The following LDB2 variants were observed in gnomAD, a reference collection of about 807,000 sequenced individuals.
LDB2 encodes the protein LIM domain binding 2.
Under a neutral mutation model 44.3 loss-of-function variants are expected in LDB2, and 12 were observed. The observed-to-expected ratio is 0.27, with a 90% CI of 0.17 to 0.44. The LOEUF (loss-of-function observed/expected upper bound fraction) is 0.44. LDB2 is among the 20% of genes least tolerant of loss of function. The pLI, the probability that LDB2 is intolerant of heterozygous loss-of-function variation, is 1.00. For missense variants in LDB2, 344 were observed against 473.5 expected (o/e 0.73, Z 2.54); for synonymous variants, 164 against 174.8 (o/e 0.94, Z 0.49).
chr4:16,772,005 C>A (rs1366957434), intron 1 of LDB2, among the ~76,000 whole-genome samples: 3 of 152,200 alleles, frequency 2.0e-5, no homozygotes, highest in Non-Finnish European at 4.4e-5. Flanking sequence ...GTTCACTGCA[C>A]TCTCAGCACA....
rs185611033 is a variant in LDB2 at position 16,790,214 on chromosome 4, A to G, written c.133-30954T>C. Reference sequence around the variant, plus strand: ...TTGCATTTTACAAATCGAGACTCCAAGAGGCTGATGAGTTTAGCCAGCATG... The same window carrying G: ...TTGCATTTTACAAATCGAGACTCCAGGAGGCTGATGAGTTTAGCCAGCATG... On this transcript the variant is annotated intron_variant, in intron 1 of 7. Coordinates refer to ENST00000304523, the MANE Select transcript of LDB2 (RefSeq NM_001290.5). Among the ~76,000 whole-genome samples the G allele has an allele frequency of 1.6e-4, 25 of 152,330 alleles. No homozygotes were observed. The East Asian group carries it at 4.3e-3, about 26-fold the overall frequency.
intron 2 of LDB2, chr4:16,752,312 C>G (rs1201592720): frequency 5.4e-6 from 2 of 369,258 alleles, no homozygotes; most frequent in Non-Finnish European, 1.0e-5. Context: ...TTTAGTAGTT[C>G]CTTGCTCTCT....
intron 2 of LDB2, among the ~76,000 whole-genome samples, chr4:16,755,467 A>G (rs1766331338): frequency 8.6e-6 from 1 of 116,588 alleles, no homozygotes; most frequent in African/African-American, 3.2e-5. Flanking sequence ...ATGATGTAGG[A>G]ATAGGGTGTG....
At chr4:16,850,947 A>AGTGTGTGTGTGTGTGTGT (rs71181193) in intron 1 of LDB2, among the ~76,000 whole-genome samples, 2,266 of 143,116 alleles carry the variant, frequency 0.016, 35 homozygotes, top group African/African-American at 0.031. Context: ...TAAAACCATA[A>AGTGTGTGTGTGTGTGTGT]GTGTGTGTGT....
At chr4:16,643,382 A>G (rs750005423) in intron 2 of LDB2, among the ~76,000 whole-genome samples, 4 of 152,220 alleles carry the variant, frequency 2.6e-5, no homozygotes, top group Non-Finnish European at 4.4e-5. Flanking sequence ...AGGATTGATA[A>G]TAGTTCTTTT....
intron 2 of LDB2, among the ~76,000 whole-genome samples, chr4:16,614,963 G>C (rs945848520): frequency 1.1e-3 from 169 of 149,530 alleles, no homozygotes; most frequent in African/African-American, 3.9e-3. Context: ...CCAGCTACTT[G>C]GGAGGCTGAG....
In LDB2 at chr4:16,756,318, C is replaced by T. The variant is rs528584610; in HGVS notation, c.235+2840G>A. ...TGCAAAAATTAGCTGGGAGTGGTGG[C>T]GGACACCTGCAATCCCTGCTACTCG... On this transcript the variant is annotated intron_variant, in intron 2 of 7. Coordinates refer to ENST00000304523, the MANE Select transcript of LDB2 (RefSeq NM_001290.5). Among the ~76,000 whole-genome samples, 9 of 152,068 alleles carry T rather than the reference C, an allele frequency of 5.9e-5. No individual in the cohort carries two copies. In the South Asian group the frequency reaches 1.7e-3, roughly 28 times the overall value.
At chr4:16,880,386 T>C (rs1285787504) in intron 1 of LDB2, among the ~76,000 whole-genome samples, 1 of 152,168 alleles carries the variant, frequency 6.6e-6, no homozygotes, top group African/African-American at 2.4e-5. Flanking sequence ...ATGGAGCTAA[T>C]GTCTGCCAGG....
At chr4:16,644,779 A>G (rs1736231785) in intron 2 of LDB2, among the ~76,000 whole-genome samples, 2 of 152,082 alleles carry the variant, frequency 1.3e-5, no homozygotes, top group Non-Finnish European at 2.9e-5. Flanking sequence ...CTCTTTCATA[A>G]TTTCACATTT....
chr4:16,633,704 T>A (rs192877369), intron 2 of LDB2, among the ~76,000 whole-genome samples: 31 of 152,238 alleles, frequency 2.0e-4, no homozygotes. Context: ...AAGTTATAGG[T>A]TCAATGCTAT....
At chr4:16,816,090 C>G (rs1414282439) in intron 1 of LDB2, among the ~76,000 whole-genome samples, 3 of 152,016 alleles carry the variant, frequency 2.0e-5, no homozygotes, top group African/African-American at 7.2e-5. Context: ...CACCTGTAAT[C>G]CTAGCTACTT....
At chr4:16,841,003 C>T (rs1018807830) in intron 1 of LDB2, among the ~76,000 whole-genome samples, 21 of 151,758 alleles carry the variant, frequency 1.4e-4, no homozygotes, top group Non-Finnish European at 2.2e-4. Context: ...AGCAGTGTTT[C>T]CCCCGTCTCT....
At chr4:16,525,604 G>A (rs1005764281) in intron 5 of LDB2, among the ~76,000 whole-genome samples, 2 of 152,210 alleles carry the variant, frequency 1.3e-5, no homozygotes, top group Admixed American at 6.5e-5. Flanking sequence ...CTTACTGAAT[G>A]TGTACTACGT....
At chr4:16,575,991 C>A (rs568523846) in intron 5 of LDB2, among the ~76,000 whole-genome samples, 1 of 152,200 alleles carries the variant, frequency 6.6e-6, no homozygotes, top group Non-Finnish European at 1.5e-5. Flanking sequence ...CCACCTGCTT[C>A]GGCCTCCCAA....
At chr4:16,697,987 T>C (rs1752588233) in intron 2 of LDB2, among the ~76,000 whole-genome samples, 1 of 152,216 alleles carries the variant, frequency 6.6e-6, no homozygotes, top group South Asian at 2.1e-4. Flanking sequence ...TTTTAAAAAA[T>C]GAATTCCATT....
intron 1 of LDB2, among the ~76,000 whole-genome samples, chr4:16,819,657 C>G (rs1781594578): frequency 6.6e-6 from 1 of 151,672 alleles, no homozygotes; most frequent in Non-Finnish European, 1.5e-5. Context: ...AGAAATTAAA[C>G]CTCAAGGGAA....
At chr4:16,690,127 C>G (rs535489111) in intron 2 of LDB2, among the ~76,000 whole-genome samples, 6 of 152,204 alleles carry the variant, frequency 3.9e-5, no homozygotes, top group African/African-American at 1.4e-4. Flanking sequence ...ACACACTGTC[C>G]TCAGTTTCTA....
intron 2 of LDB2, among the ~76,000 whole-genome samples, chr4:16,690,516 A>AGGGAGGGG (rs1750459069): frequency 3.3e-4 from 1 of 3,012 alleles, no homozygotes; most frequent in Non-Finnish European, 7.2e-4. Context: ...GGAGGGAGGG[A>AGGGAGGGG]GGGGGGAGGG....
intron 1 of LDB2, among the ~76,000 whole-genome samples, chr4:16,897,697 G>A (rs1043750163): frequency 2.6e-5 from 4 of 151,748 alleles, no homozygotes; most frequent in African/African-American, 9.7e-5. Flanking sequence ...GACAGCAATA[G>A]GAGAAAGTCT....
Sources: allele counts gnomAD v4.1 joint callset (sites outside exome capture counted in the v4.1 genomes callset), GRCh38; gene constraint gnomAD v4.1.1; transcripts MANE v1.5; gene names NCBI Gene and HGNC (gene_info 2026-07-23, HGNC 2026-07-21).